Variants in TMED3 observed in about 807,000 individuals in gnomAD.
The protein encoded by TMED3 is transmembrane emp24 domain-containing protein 3.
TMED3 carries 9 observed loss-of-function variants against 15.0 expected under a neutral mutation model. The ratio of observed to expected loss-of-function variants is 0.60; its 90% confidence interval spans 0.36 to 1.04. The LOEUF is 1.04. TMED3 is among the 50% of genes least tolerant of loss of function. TMED3 has a pLI of 0.01. For synonymous variants in TMED3, 117 were observed against 121.4 expected (o/e 0.96, Z 0.24); for missense variants, 267 against 278.9 (o/e 0.96, Z 0.30).
intron 2 of TMED3, among the ~76,000 whole-genome samples, chr15:79,408,351 C>T (rs1893929026): frequency 6.6e-6 from 1 of 152,188 alleles, no homozygotes; most frequent in South Asian, 2.1e-4. Flanking sequence ...TATGAGTCAC[C>T]CATAGGCTTT....
At chr15:79,340,831 T>A (rs544462640) in intron 2 of TMED3, among the ~76,000 whole-genome samples, 1 of 152,304 alleles carries the variant, frequency 6.6e-6, no homozygotes, top group Admixed American at 6.5e-5. Flanking sequence ...CATTCACTTA[T>A]CAAGTATGAA....
chr15:79,356,306 C>G (rs2058918515), intron 2 of TMED3, among the ~76,000 whole-genome samples: 1 of 152,152 alleles, frequency 6.6e-6, no homozygotes, highest in African/African-American at 2.4e-5. Context: ...CATTTAGCGA[C>G]AGGGTGGGGT....
At chr15:79,341,120 G>T (rs2058849797) in intron 2 of TMED3, among the ~76,000 whole-genome samples, 1 of 141,552 alleles carries the variant, frequency 7.1e-6, no homozygotes, top group Non-Finnish European at 1.5e-5. Context: ...CTTCAGCCTG[G>T]GAGACAGGGG....
chr15:79,405,721 G>T (rs1243939517), intron 2 of TMED3, among the ~76,000 whole-genome samples: 1 of 152,070 alleles, frequency 6.6e-6, no homozygotes, highest in Non-Finnish European at 1.5e-5. Flanking sequence ...TCCGCTTCTG[G>T]CTCATCAATC....
intron 2 of TMED3, among the ~76,000 whole-genome samples, chr15:79,377,122 T>C (rs543981677): frequency 2.6e-5 from 4 of 152,196 alleles, no homozygotes; most frequent in African/African-American, 9.7e-5. Flanking sequence ...ATGAACAAGA[T>C]CACTCTTTTA....
At chr15:79,380,438 TTATA>T (rs1188720491) in intron 2 of TMED3, among the ~76,000 whole-genome samples, 1 of 147,354 alleles carries the variant, frequency 6.8e-6, no homozygotes, top group African/African-American at 2.5e-5. Flanking sequence ...ATATATATAG[TTATA>T]TATAGTTATA....
At position 79,392,701 on chromosome 15, in the gene TMED3, G is replaced by A. The variant is rs143600292; in HGVS notation, c.418-18699G>A. 3.1e-4 allele frequency among the ~76,000 whole-genome samples: 47 copies of A among 152,256 alleles called. No individual in the cohort carries two copies. In the East Asian group the frequency reaches 8.3e-3, roughly 27 times the overall value. ...TTCGTGTGGTCTTGTCTGATAATGT[G>A]CTTAGTTAATTTTTGTTCTGGACTT... On this transcript the variant is annotated intron_variant, in intron 2 of 2. Transcript: ENST00000424155.
intron 2 of TMED3, among the ~76,000 whole-genome samples, chr15:79,321,236 A>T (rs2058765294): frequency 1.3e-5 from 2 of 152,208 alleles, no homozygotes; most frequent in Admixed American, 6.5e-5. Context: ...ACAGCTCATC[A>T]TATTCACAGC....
chr15:79,412,656 C>T (rs1894004513), exon 3 of TMED3: 1 of 152,560 alleles, frequency 6.6e-6, no homozygotes. Context: ...CTGCCAATGC[C>T]CACATGGAGG....
At chr15:79,383,227 C>T (rs1029833815) in intron 2 of TMED3, 34 of 563,556 alleles carry the variant, frequency 6.0e-5, no homozygotes, top group Non-Finnish European at 1.0e-4. Flanking sequence ...CATCCAGCTA[C>T]CCGATTTCCA....
intron 2 of TMED3, among the ~76,000 whole-genome samples, chr15:79,387,680 T>A (rs774728786): frequency 2.3e-4 from 35 of 152,208 alleles, no homozygotes; most frequent in Non-Finnish European, 3.8e-4. Context: ...ATTGAATCCA[T>A]AGGTTGATTG....
At chr15:79,370,910 AT>A (rs1310512348) in intron 2 of TMED3, among the ~76,000 whole-genome samples, 1 of 152,174 alleles carries the variant, frequency 6.6e-6, no homozygotes, top group African/African-American at 2.4e-5. Flanking sequence ...CATTGCCTGA[AT>A]ACACAAACAG....
At chr15:79,355,565 A>T (rs1164823815) in intron 2 of TMED3, among the ~76,000 whole-genome samples, 1 of 152,156 alleles carries the variant, frequency 6.6e-6, no homozygotes, top group Non-Finnish European at 1.5e-5. Flanking sequence ...CATCCACAAT[A>T]ACCAGTTGTC....
chr15:79,359,596 A>G (rs1470176969), intron 2 of TMED3, among the ~76,000 whole-genome samples: 2 of 152,122 alleles, frequency 1.3e-5, no homozygotes, highest in Admixed American at 1.3e-4. Context: ...CCAGGGCATG[A>G]CCTTTTTAAG....
chr15:79,410,621 C>A (rs1393868076), intron 2 of TMED3, among the ~76,000 whole-genome samples: 1 of 151,900 alleles, frequency 6.6e-6, no homozygotes, highest in Non-Finnish European at 1.5e-5. Context: ...TTGAAGATTT[C>A]CCATAGGTGT....
At chr15:79,332,114 C>T (rs902361617) in intron 2 of TMED3, among the ~76,000 whole-genome samples, 2 of 152,098 alleles carry the variant, frequency 1.3e-5, no homozygotes, top group Non-Finnish European at 2.9e-5. Flanking sequence ...AGGGAAATAA[C>T]CAAATGAAAA....
chr15:79,390,383 G>A (rs913195207), intron 2 of TMED3, among the ~76,000 whole-genome samples: 10 of 152,152 alleles, frequency 6.6e-5, no homozygotes, highest in Non-Finnish European at 1.2e-4. Context: ...TTTATCTGGC[G>A]TATCACATTT....
chr15:79,378,668 A>G (rs969506393), intron 2 of TMED3, among the ~76,000 whole-genome samples: 2 of 152,208 alleles, frequency 1.3e-5, no homozygotes, highest in Non-Finnish European at 2.9e-5. Context: ...ATGGGAGCTC[A>G]CAGGTGGGCA....
intron 2 of TMED3, among the ~76,000 whole-genome samples, chr15:79,351,423 G>A (rs951732858): frequency 6.6e-6 from 1 of 152,146 alleles, no homozygotes; most frequent in African/African-American, 2.4e-5. Flanking sequence ...GTTTCTGCTT[G>A]TTGAAAAGAT....
Sources: gnomAD v4.1 joint callset for allele counts (sites outside exome capture counted in the v4.1 genomes callset) on GRCh38, gnomAD v4.1.1 for gene constraint, MANE v1.5 for transcripts, NCBI Gene and HGNC (gene_info 2026-07-23, HGNC 2026-07-21) for gene names.